Variants in DOCK9 observed in about 807,000 individuals in gnomAD.
The protein encoded by DOCK9 is dedicator of cytokinesis protein 9.
A neutral mutation model predicts 263.3 loss-of-function variants in DOCK9; 89 were observed. The observed-to-expected ratio is 0.34, with a 90% CI of 0.28 to 0.40. DOCK9 has a LOEUF of 0.40. DOCK9 is among the 10% of genes least tolerant of loss of function. The pLI, the probability that DOCK9 is intolerant of heterozygous loss-of-function variation, is 1.00. For missense variants in DOCK9, 2,140 were observed against 2,603.4 expected, an observed-to-expected ratio of 0.82 and a Z score of 3.87; for synonymous variants, 976 against 973.1, an observed-to-expected ratio of 1.00 and a Z score of -0.06.
At chr13:98,845,874 G>A (rs1457929649) in intron 38 of DOCK9, 50 bp downstream of exon 38, 1 of 1,601,460 alleles carries the variant, frequency 6.2e-7, no homozygotes. Context: ...TCCCCTCTGA[G>A]ATGGCACATG....
intron 1 of DOCK9, among the ~76,000 whole-genome samples, chr13:99,076,523 T>C (rs1476818994): frequency 3.3e-5 from 5 of 152,244 alleles, no homozygotes; most frequent in East Asian, 1.9e-4. Context: ...CTCAAAGTGA[T>C]ACACATTCTG....
At chr13:98,973,076 G>A (rs1291292451) in intron 1 of DOCK9, among the ~76,000 whole-genome samples, 1 of 152,130 alleles carries the variant, frequency 6.6e-6, no homozygotes, top group Admixed American at 6.5e-5. Flanking sequence ...AAGCTTTTGG[G>A]AACATCTTTC....
chr13:98,955,665 A>G, intron 1 of DOCK9, 114 bp from the exon 2 acceptor site: 1 of 681,720 alleles, frequency 1.5e-6, no homozygotes, highest in South Asian at 2.3e-5. Context: ...AGAGTATGCT[A>G]GTTTTGGTAT....
At chr13:98,999,310 A>ACTCTCTCTCTCTCT (rs1385708574) in intron 1 of DOCK9, among the ~76,000 whole-genome samples, 1 of 125,498 alleles carries the variant, frequency 8.0e-6, no homozygotes, top group East Asian at 2.1e-4. Context: ...ACACACACAC[A>ACTCTCTCTCTCTCT]CACACACTCT....
chr13:98,990,840 G>A (rs933621614), intron 1 of DOCK9, among the ~76,000 whole-genome samples: 4 of 152,144 alleles, frequency 2.6e-5, no homozygotes, highest in African/African-American at 9.7e-5. Context: ...AACACCTTAG[G>A]ACTCTCACTA....
intron 49 of DOCK9, among the ~76,000 whole-genome samples, chr13:98,802,027 C>T (rs1487752435): frequency 6.6e-6 from 1 of 152,202 alleles, no homozygotes; most frequent in Non-Finnish European, 1.5e-5. Context: ...ATGGTGAGGA[C>T]TCGGCCTCGC....
chr13:98,953,110 A>C (rs2140938362), intron 2 of DOCK9, among the ~76,000 whole-genome samples: 1 of 152,378 alleles, frequency 6.6e-6, no homozygotes, highest in South Asian at 2.1e-4. Flanking sequence ...CAATTTAACA[A>C]GAAAGCACAG....
chr13:98,989,343 G>A (rs539516670), intron 1 of DOCK9, among the ~76,000 whole-genome samples: 36 of 121,260 alleles, frequency 3.0e-4, no homozygotes, highest in East Asian at 1.5e-3. Flanking sequence ...TGATGATGAT[G>A]ATGATAATAA....
At chr13:99,027,227 C>CACCA (rs1566321222) in intron 1 of DOCK9, among the ~76,000 whole-genome samples, 3 of 152,112 alleles carry the variant, frequency 2.0e-5, no homozygotes, top group African/African-American at 7.2e-5. Context: ...ACCATATTGG[C>CACCA]CAGGCTGGTA....
intron 1 of DOCK9, among the ~76,000 whole-genome samples, chr13:99,040,428 C>CA (rs1164116400): frequency 4.0e-5 from 6 of 150,594 alleles, no homozygotes; most frequent in Non-Finnish European, 8.9e-5. Context: ...AAGAAACAAA[C>CA]AAAAAAACAA....
chr13:98,807,518 C>T (rs1388302030), intron 48 of DOCK9, 143 bp downstream of exon 48: 3 of 655,804 alleles, frequency 4.6e-6, no homozygotes, highest in Non-Finnish European at 4.5e-6. Context: ...CTAAAGGTAT[C>T]AGGAAGAAAA....
chr13:99,068,542 C>CTGCA (rs1240460401), intron 1 of DOCK9, among the ~76,000 whole-genome samples: 1 of 152,144 alleles, frequency 6.6e-6, no homozygotes, highest in East Asian at 1.9e-4. Context: ...AGATCGCGCC[C>CTGCA]TGCACTCCAG....
At chr13:99,012,436 G>A (rs1884658688) in intron 1 of DOCK9, among the ~76,000 whole-genome samples, 1 of 152,130 alleles carries the variant, frequency 6.6e-6, no homozygotes, top group Non-Finnish European at 1.5e-5. Flanking sequence ...CTCCACAAAG[G>A]CTTGGTGCAC....
intron 41 of DOCK9, among the ~76,000 whole-genome samples, chr13:98,830,810 G>T (rs1424895347): frequency 6.6e-6 from 1 of 152,156 alleles, no homozygotes; most frequent in Non-Finnish European, 1.5e-5. Context: ...CGAATCCTAT[G>T]TGGACAATAA....
chr13:98,860,358 T>C (rs1242946677), intron 33 of DOCK9, 47 bp downstream of exon 33: 5 of 1,553,690 alleles, frequency 3.2e-6, no homozygotes, highest in Non-Finnish European at 4.4e-6. Flanking sequence ...TCCAAGACAC[T>C]TTCAGAGTGA....
At chr13:98,999,316 A>ACACACACACACACACTCTCTCTCTCTCT in intron 1 of DOCK9, among the ~76,000 whole-genome samples, 5 of 138,290 alleles carry the variant, frequency 3.6e-5, no homozygotes, top group African/African-American at 1.4e-4. Flanking sequence ...ACACACACAC[A>ACACACACACACACACTCTCTCTCTCTCT]CTCTCTCTCT....
chr13:99,014,389 A>G (rs545794453), intron 1 of DOCK9, among the ~76,000 whole-genome samples: 1 of 152,328 alleles, frequency 6.6e-6, no homozygotes, highest in Admixed American at 6.5e-5. Context: ...TCCAACATAC[A>G]TAACACTGAC....
At chr13:99,081,894 T>C (rs1271574709) in intron 1 of DOCK9, among the ~76,000 whole-genome samples, 2 of 152,220 alleles carry the variant, frequency 1.3e-5, no homozygotes, top group African/African-American at 4.8e-5. Flanking sequence ...TATAAATTAC[T>C]TTTCCTACAG....
chr13:99,017,986 A>C (rs918395617), intron 1 of DOCK9, among the ~76,000 whole-genome samples: 1 of 152,244 alleles, frequency 6.6e-6, no homozygotes, highest in African/African-American at 2.4e-5. Context: ...TATACCTTAA[A>C]TTTATACAAT....
Sources: allele counts gnomAD v4.1 joint callset (sites outside exome capture counted in the v4.1 genomes callset), GRCh38; gene constraint gnomAD v4.1.1; transcripts MANE v1.5; gene names NCBI Gene and HGNC (gene_info 2026-07-23, HGNC 2026-07-21).